RNPC3: variants seen among roughly 807,000 people sequenced by gnomAD.
RNPC3 encodes the protein RNA binding region (RNP1, RRM) containing 3, also known as RNA-binding region-containing protein 3.
RNPC3 carries 48 observed loss-of-function variants against 67.5 expected under a neutral mutation model. The observed-to-expected ratio is 0.71, with a 90% confidence interval of 0.56 to 0.90. The LOEUF (loss-of-function observed/expected upper bound fraction) is 0.90, where lower values mean the gene tolerates loss of function less well. Among genes scored for constraint, RNPC3 ranks in the 40% least tolerant of loss-of-function variants. The probability of loss-of-function intolerance (pLI) is 0.00; values close to 1 mark genes in which losing one functional copy is unlikely to be tolerated. For missense variants in RNPC3, 637 were observed against 626.1 expected (o/e 1.02, Z -0.19); for synonymous variants, 239 against 210.3 (o/e 1.14, Z -1.18).
chr1:103,549,299 T>C (rs890418971), intron 12 of RNPC3, among the ~76,000 whole-genome samples: 38 of 152,206 alleles, frequency 2.5e-4, no homozygotes, highest in African/African-American at 9.2e-4. Context: ...TAAATTTTGT[T>C]TTAATCTTCA....
In RNPC3 at chr1:103,551,770, G is replaced by T. The variant is rs973301300; in HGVS notation, c.1544G>T (p.Arg515Ile). Residue 515 changes from arginine (R) to isoleucine (I), a missense_variant, in exon 14 of 15, where the codon AGA (arginine) becomes ATA (isoleucine). Arg to Ile is a moderately conservative substitution (Grantham distance 97). Transcript: ENST00000423855. ...AAACAAGATCCTAAGGAAGGAAAAA[G>T]AAAGTGTTAAAAATTAATAAAGGTA... is the stretch of plus-strand genomic sequence containing the variant. Reference protein sequence around the residue: ...RPKQDPKEGKRKC With the variant: ...RPKQDPKEGKIKC The T allele has an allele frequency of 3.3e-6, 5 of 1,507,482 alleles. No homozygotes were observed. Among genetic ancestry groups the T allele is most frequent in the East Asian group, 2.5e-5 (1 of 40,044 alleles). 93.4% of individuals were successfully genotyped at this position (1,507,482 alleles called of 1,614,324 possible). A position where few individuals can be genotyped will look rare whatever the true frequency, so the allele number is the denominator to read the frequency against.
At chr1:103,529,952 T>C (rs1291605819) in intron 2 of RNPC3, among the ~76,000 whole-genome samples, 1 of 152,118 alleles carries the variant, frequency 6.6e-6, no homozygotes, top group African/African-American at 2.4e-5. Context: ...TTGGCCCCTG[T>C]TGTGAACTGC....
At chr1:103,544,149 T>G (rs1264979803) in intron 9 of RNPC3, among the ~76,000 whole-genome samples, 1 of 151,770 alleles carries the variant, frequency 6.6e-6, no homozygotes, top group Non-Finnish European at 1.5e-5. Flanking sequence ...CAATTTGGTA[T>G]GTGTATATAC....
rs7529928 is a variant in RNPC3, at chr1:103,547,151, C to T, written c.1361+116C>T. The T allele has an allele frequency of 9.7e-5, 61 of 627,054 alleles. 1 individual carries two copies. The South Asian group carries it at 1.2e-3, about 13-fold the overall frequency. The allele number at this position is 627,054 out of a possible 1,614,324, so 38.8% of individuals were successfully genotyped here. On this transcript the variant is annotated intron_variant, in intron 12 of 14. Transcript: ENST00000423855. ...GAGATAAAAATTATATGAAAAAGTTCGTCTATTCTGTTGCACAATTAATCT... is the reference window on the plus strand; with the variant it reads ...GAGATAAAAATTATATGAAAAAGTTTGTCTATTCTGTTGCACAATTAATCT...
chr1:103,536,332 T>C (rs983115457), intron 6 of RNPC3, 138 bp downstream of exon 6: 22 of 606,138 alleles, frequency 3.6e-5, no homozygotes, highest in African/African-American at 2.8e-4. Flanking sequence ...ATGATGATAA[T>C]AGTAGAACTG....
intron 7 of RNPC3, among the ~76,000 whole-genome samples, chr1:103,539,782 A>G (rs1651077561): frequency 6.6e-6 from 1 of 152,184 alleles, no homozygotes; most frequent in African/African-American, 2.4e-5. Flanking sequence ...GAAATCCAAA[A>G]TGCTTCAGAC....
intron 12 of RNPC3, 75 bp downstream of exon 12, chr1:103,547,110 C>A: frequency 1.3e-6 from 1 of 785,416 alleles, no homozygotes; most frequent in Non-Finnish European, 1.9e-6. Flanking sequence ...ATTTTAATCC[C>A]ATCATTTTCC....
Position 103,546,413 on chromosome 1 carries a change from T to C in RNPC3, c.1302+71T>C, listed in dbSNP as rs1358385996. The C allele has an allele frequency of 4.6e-5, 34 of 738,644 alleles. No homozygotes were observed. The East Asian group carries it at 1.0e-3, about 22-fold the overall frequency. The allele number at this position is 738,644 out of a possible 1,614,324, so 45.8% of individuals were successfully genotyped here. A position where few individuals can be genotyped will look rare whatever the true frequency, so the allele number is the denominator to read the frequency against. On this transcript the variant is annotated intron_variant, in intron 11 of 14. Transcript: ENST00000423855. ...AGGTTTTATAGTTGATGTGTTAAAG[T>C]CTGTTTGAAACTACCTTTAAGAATG...
chr1:103,531,997 A>G (rs1260360639), intron 2 of RNPC3, among the ~76,000 whole-genome samples: 4 of 152,006 alleles, frequency 2.6e-5, no homozygotes, highest in African/African-American at 9.7e-5. Flanking sequence ...TCTTGAGTTG[A>G]TTTTTGTATA....
intron 9 of RNPC3, 90 bp downstream of exon 9, chr1:103,543,537 G>A (rs1324434508): frequency 4.1e-6 from 4 of 979,468 alleles, no homozygotes; most frequent in Non-Finnish European, 5.5e-6. Flanking sequence ...TTTAGTATTT[G>A]TCAACTTTAT....
intron 14 of RNPC3, chr1:103,552,792 G>T (rs570679420): frequency 1.3e-5 from 2 of 151,966 alleles, no homozygotes; most frequent in African/African-American, 4.8e-5. Context: ...ACAGTGCTGA[G>T]TATATAAAAT....
chr1:103,537,625 G>T (rs1651017345), intron 7 of RNPC3, 141 bp downstream of exon 7: 2 of 601,508 alleles, frequency 3.3e-6, no homozygotes, highest in Middle Eastern at 9.0e-4. Flanking sequence ...CAGCACCTCA[G>T]GCATATATAG....
chr1:103,543,522 C>T (rs564732264), intron 9 of RNPC3, 75 bp downstream of exon 9: 17 of 1,079,258 alleles, frequency 1.6e-5, no homozygotes, highest in African/African-American at 1.2e-4. Flanking sequence ...TATAATGTTT[C>T]ATATTTTAGT....
chr1:103,531,684 G>GT (rs201031745), intron 2 of RNPC3, among the ~76,000 whole-genome samples: 12 of 151,448 alleles, frequency 7.9e-5, no homozygotes, highest in East Asian at 5.8e-4. Flanking sequence ...CCATGGGATT[G>GT]TTTTTTTTCT....
At position 103,551,763 on chromosome 1, in the gene RNPC3, G is replaced by A; in HGVS notation, c.1537G>A (p.Gly513Arg). ...TAGACCAAAACAAGATCCTAAGGAA[G>A]GAAAAAGAAAGTGTTAAAAATTAAT... ...SARPKQDPKE[G>R]KRKC The change falls in exon 14 of 15, where the codon GGA (glycine) becomes AGA (arginine). Residue 513 changes from glycine to arginine, a missense_variant. Transcript: ENST00000423855. The A allele has an allele frequency of 6.6e-7, 1 of 1,521,414 alleles. No individual in the cohort carries two copies. The highest frequency in any genetic ancestry group is 2.5e-5 in the East Asian group (1 of 40,314). The allele number at this position is 1,521,414 out of a possible 1,614,324, so 94.2% of individuals were successfully genotyped here.
intron 2 of RNPC3, among the ~76,000 whole-genome samples, chr1:103,531,268 G>C (rs1035366843): frequency 6.6e-6 from 1 of 152,024 alleles, no homozygotes; most frequent in African/African-American, 2.4e-5. Context: ...ATTTGGGCTG[G>C]TTCCGTATTT....
rs528462413 is a variant in RNPC3, at chr1:103,538,812, A to T, written c.767+1328A>T. Reference sequence around the variant, plus strand: ...AATTAGTAACTACTGCAGATGAATTATTCTTTTTATTGATAGTTCTTGACA... The same window carrying T: ...AATTAGTAACTACTGCAGATGAATTTTTCTTTTTATTGATAGTTCTTGACA... On this transcript the variant is annotated intron_variant, in intron 7 of 14. Coordinates refer to ENST00000423855, the MANE Select transcript of RNPC3 (RefSeq NM_017619.4). 2.2e-3 allele frequency among the ~76,000 whole-genome samples: 333 copies of T among 152,340 alleles called. 2 individuals carry two copies. The highest frequency in any genetic ancestry group is 7.7e-3 in the African/African-American group (321 of 41,584).
At chr1:103,546,801 C>G in intron 11 of RNPC3, 176 bp from the exon 12 acceptor site, 1 of 501,348 alleles carries the variant, frequency 2.0e-6, no homozygotes. Context: ...ACATAGCATA[C>G]TCCCTTTGTG....
At chr1:103,533,639 T>C (rs1650913928) in intron 2 of RNPC3, 100 bp from the exon 3 acceptor site, 2 of 653,834 alleles carry the variant, frequency 3.1e-6, no homozygotes, top group African/African-American at 4.5e-5. Flanking sequence ...AGGAACTGTT[T>C]ACAGCATTAG....
Sources: allele counts gnomAD v4.1 joint callset (sites outside exome capture counted in the v4.1 genomes callset), GRCh38; gene constraint gnomAD v4.1.1; transcripts MANE v1.5; gene names NCBI Gene and HGNC (gene_info 2026-07-23, HGNC 2026-07-21).